The following PCDH15 variants were observed in gnomAD, a reference collection of about 807,000 sequenced individuals.
The protein encoded by PCDH15 is protocadherin-15.
PCDH15 carries 129 observed loss-of-function variants against 178.5 expected under a neutral mutation model. That is an observed-to-expected ratio of 0.72 (90% confidence interval 0.63 to 0.84). PCDH15 has a LOEUF of 0.84. Ranked by LOEUF, PCDH15 falls within the 40% of genes least tolerant of loss-of-function variation. The pLI is 0.00. For synonymous variants in PCDH15, 800 were observed against 732.0 expected (o/e 1.09, Z -1.50); for missense variants, 2,230 against 2,099.9 (o/e 1.06, Z -1.21).
At chr10:55,193,835 G>T (rs1338871449) in intron 1 of PCDH15, among the ~76,000 whole-genome samples, 3 of 151,742 alleles carry the variant, frequency 2.0e-5, no homozygotes, top group Non-Finnish European at 4.4e-5. Flanking sequence ...TATCCCAGAG[G>T]TTAATATAGA....
chr10:54,071,080 A>G (rs1458335991), intron 17 of PCDH15, among the ~76,000 whole-genome samples: 3 of 152,206 alleles, frequency 2.0e-5, no homozygotes, highest in Admixed American at 6.5e-5. Flanking sequence ...AGGAAATGAC[A>G]TGGCAAAATA....
intron 13 of PCDH15, among the ~76,000 whole-genome samples, chr10:54,157,386 G>A (rs191497765): frequency 1.1e-3 from 161 of 152,340 alleles, no homozygotes; most frequent in Non-Finnish European, 1.9e-3. Context: ...AACTGCTGAG[G>A]CTTGGAGCTT....
intron 3 of PCDH15, among the ~76,000 whole-genome samples, chr10:54,520,811 A>G (rs2082770998): frequency 6.6e-6 from 1 of 150,616 alleles, no homozygotes; most frequent in African/African-American, 2.4e-5. Context: ...CTTGGAACCA[A>G]CCCAAATGTC....
At chr10:54,548,961 T>C (rs1045164612) in intron 2 of PCDH15, among the ~76,000 whole-genome samples, 13 of 151,704 alleles carry the variant, frequency 8.6e-5, no homozygotes, top group African/African-American at 3.1e-4. Flanking sequence ...GAAATGTGTC[T>C]ATTTTGTACT....
intron 8 of PCDH15, among the ~76,000 whole-genome samples, chr10:54,290,629 G>A (rs747427168): frequency 2.3e-4 from 35 of 152,276 alleles, no homozygotes; most frequent in Admixed American, 7.2e-4. Context: ...AGATCAATCA[G>A]TGTGCTGTAT....
At chr10:55,188,398 T>G (rs1839855183) in intron 1 of PCDH15, among the ~76,000 whole-genome samples, 1 of 151,932 alleles carries the variant, frequency 6.6e-6, no homozygotes, top group African/African-American at 2.4e-5. Context: ...TCCATTTTGA[T>G]CATCAGTTAC....
At chr10:53,924,305 G>A (rs2084283818) in intron 25 of PCDH15, among the ~76,000 whole-genome samples, 1 of 152,228 alleles carries the variant, frequency 6.6e-6, no homozygotes. Context: ...GCCCCAGGCA[G>A]TGAGGGGCTT....
At chr10:55,280,954 T>C (rs1190625825) in intron 1 of PCDH15, among the ~76,000 whole-genome samples, 1 of 152,204 alleles carries the variant, frequency 6.6e-6, no homozygotes, top group Non-Finnish European at 1.5e-5. Context: ...AAGTGCATAA[T>C]GGATTTTTAA....
chr10:54,572,958 C>A (rs1273967516), intron 2 of PCDH15, among the ~76,000 whole-genome samples: 2 of 152,058 alleles, frequency 1.3e-5, no homozygotes, highest in African/African-American at 2.4e-5. Flanking sequence ...AAATCACATA[C>A]CCTTTCAAGT....
chr10:54,455,283 C>A (rs1218097659), intron 3 of PCDH15, among the ~76,000 whole-genome samples: 2 of 152,002 alleles, frequency 1.3e-5, no homozygotes, highest in African/African-American at 4.8e-5. Flanking sequence ...TAAAGATACC[C>A]AAAAATGTGC....
At chr10:55,174,952 C>A (rs553939159) in intron 1 of PCDH15, among the ~76,000 whole-genome samples, 1 of 152,254 alleles carries the variant, frequency 6.6e-6, no homozygotes, top group East Asian at 1.9e-4. Context: ...TTAACCCAAG[C>A]ATTTGAAATC....
intron 18 of PCDH15, among the ~76,000 whole-genome samples, chr10:54,063,262 T>C (rs2094068272): frequency 6.6e-6 from 1 of 152,158 alleles, no homozygotes; most frequent in South Asian, 2.1e-4. Flanking sequence ...ACATGGTACG[T>C]CTTATTCATT....
intron 26 of PCDH15, among the ~76,000 whole-genome samples, chr10:53,881,154 A>G (rs554273166): frequency 6.6e-6 from 1 of 152,324 alleles, no homozygotes; most frequent in South Asian, 2.1e-4. Flanking sequence ...AATTTCAGTG[A>G]AATAGTCTTG....
At chr10:54,790,104 T>C (rs1390670033) in intron 1 of PCDH15, among the ~76,000 whole-genome samples, 1 of 151,716 alleles carries the variant, frequency 6.6e-6, no homozygotes, top group East Asian at 1.9e-4. Flanking sequence ...CCATAAGACT[T>C]CTCCTTCCCC....
At chr10:54,062,969 T>C (rs1016455654) in intron 18 of PCDH15, among the ~76,000 whole-genome samples, 1 of 152,230 alleles carries the variant, frequency 6.6e-6, no homozygotes, top group Non-Finnish European at 1.5e-5. Context: ...AGTTAATATA[T>C]ATATGGCTAA....
intron 1 of PCDH15, among the ~76,000 whole-genome samples, chr10:55,192,082 T>C (rs1409969109): frequency 6.6e-6 from 1 of 151,950 alleles, no homozygotes; most frequent in Non-Finnish European, 1.5e-5. Flanking sequence ...CCATAGCCTA[T>C]GGATATTCAT....
At chr10:55,418,918 G>GC (rs144817377) in intron 2 of PCDH15, among the ~76,000 whole-genome samples, 6,611 of 151,776 alleles carry the variant, frequency 0.044, 268 homozygotes, top group African/African-American at 0.11. Context: ...GGAGAATGCT[G>GC]TTTTCCTCAT....
At chr10:54,421,111 T>TTATTG (rs560141261) in intron 3 of PCDH15, among the ~76,000 whole-genome samples, 2 of 152,100 alleles carry the variant, frequency 1.3e-5, no homozygotes, top group Non-Finnish European at 2.9e-5. Context: ...GTACTTTCTC[T>TTATTG]TATTGTATTG....
chr10:54,898,148 C>A (rs890998109), intron 2 of PCDH15, among the ~76,000 whole-genome samples: 5 of 152,080 alleles, frequency 3.3e-5, no homozygotes, highest in African/African-American at 7.2e-5. Context: ...CAGATGCTGG[C>A]ACAATGCTTC....
Sources: gnomAD v4.1 joint callset for allele counts (sites outside exome capture counted in the v4.1 genomes callset) on GRCh38, gnomAD v4.1.1 for gene constraint, MANE v1.5 for transcripts, NCBI Gene and HGNC (gene_info 2026-07-23, HGNC 2026-07-21) for gene names.